The following PCDHGB3 variants were observed in gnomAD, a reference collection of about 807,000 sequenced individuals.
The protein encoded by PCDHGB3 is protocadherin gamma-B3.
PCDHGB3 carries 40 observed loss-of-function variants against 59.2 expected under a neutral mutation model. That is an observed-to-expected ratio of 0.68 (90% CI 0.52 to 0.88). PCDHGB3 has a LOEUF of 0.88. Among genes scored for constraint, PCDHGB3 ranks in the 40% least tolerant of loss-of-function variants. PCDHGB3 has a pLI of 0.00. For synonymous variants in PCDHGB3, 581 were observed against 503.6 expected (o/e 1.15, Z -2.06); for missense variants, 1,309 against 1,187.9 (o/e 1.10, Z -1.50).
intron 1 of PCDHGB3, among the ~76,000 whole-genome samples, chr5:141,473,313 T>C (rs1173941642): frequency 2.7e-4 from 41 of 152,246 alleles, no homozygotes; most frequent in Non-Finnish European, 5.9e-5. Context: ...GCTATATTAA[T>C]AAGCATTAAG....
rs1229623400 is a variant in PCDHGB3, at chr5:141,505,984, T to A, written c.2563+503T>A. 4.6e-5 allele frequency among the ~76,000 whole-genome samples: 7 copies of A among 152,198 alleles called. No homozygotes were observed. In the East Asian group the frequency reaches 1.4e-3, roughly 30 times the overall value. On this transcript the variant is annotated intron_variant, in intron 3 of 3. Coordinates refer to ENST00000576222, the MANE Select transcript of PCDHGB3 (RefSeq NM_018924.5). ...AGAAATCCCCAGCCGAGAGAACACC[T>A]CCTCTTTATGCGAGGCTCCTCTTTT...
Position 141,425,378 on chromosome 5 carries a change from C to T in PCDHGB3, c.2415+52569C>T, listed in dbSNP as rs372445707. Among the ~76,000 whole-genome samples the T allele has an allele frequency of 1.6e-4, 25 of 152,174 alleles. 1 individual carries two copies. The highest frequency in any genetic ancestry group is 3.9e-4 in the African/African-American group (16 of 41,522). On this transcript the variant is annotated intron_variant, in intron 1 of 3. Transcript: ENST00000576222. ...TGATATTAAGAGGGTTATGTTGATTCGGAGGTAGTGATAAAGTTCTGTTAA... is the reference window on the plus strand; with the variant it reads ...TGATATTAAGAGGGTTATGTTGATTTGGAGGTAGTGATAAAGTTCTGTTAA...
chr5:141,384,337 G>A (rs370533196), intron 1 of PCDHGB3: 1 of 1,613,832 alleles, frequency 6.2e-7, no homozygotes, highest in Non-Finnish European at 8.5e-7. Flanking sequence ...ACAGGACCAC[G>A]ACAGTGAGGA....
Position 141,486,443 on chromosome 5 carries a change from A to G in PCDHGB3, c.2416-8364A>G, listed in dbSNP as rs747419698. Reference sequence around the variant, plus strand: ...AGAGGCCAAATCTAGCTATGACATCATGGTCACTGCTTCTGATGCTGGGAA... The same window carrying G: ...AGAGGCCAAATCTAGCTATGACATCGTGGTCACTGCTTCTGATGCTGGGAA... On this transcript the variant is annotated intron_variant, in intron 1 of 3. Transcript: ENST00000576222. The surrounding 1 kb of genome is among the most constrained non-coding windows in gnomAD (Gnocchi z 5.0). The G allele has an allele frequency of 1.9e-6, 3 of 1,614,060 alleles. No individual in the cohort carries two copies. Among genetic ancestry groups the G allele is most frequent in the South Asian group, 2.2e-5 (2 of 91,080 alleles).
intron 1 of PCDHGB3, among the ~76,000 whole-genome samples, chr5:141,483,767 T>C (rs2099586826): frequency 6.6e-6 from 1 of 151,840 alleles, no homozygotes; most frequent in Non-Finnish European, 1.5e-5. Flanking sequence ...CTTGGAAAAA[T>C]ATTGGGGAAG....
rs1686238986 is a variant in PCDHGB3 at position 141,431,536 on chromosome 5, G to A, written c.2415+58727G>A. The A allele has an allele frequency of 6.2e-7, 1 of 1,614,070 alleles. No homozygotes were observed. Among genetic ancestry groups the A allele is most frequent in the African/African-American group, 1.3e-5 (1 of 75,064 alleles). On this transcript the variant is annotated intron_variant, in intron 1 of 3. Transcript: ENST00000576222. The surrounding 1 kb of genome is among the most constrained non-coding windows in gnomAD (Gnocchi z 4.8). ...TTCCGGAGAATCTGGCCTTGGGCAC[G>A]CAGCTGCTTGTAGTCAACGCTACCG... is the stretch of plus-strand genomic sequence containing the variant.
At chr5:141,374,208 G>C in intron 1 of PCDHGB3, 1 of 1,613,952 alleles carries the variant, frequency 6.2e-7, no homozygotes, top group Non-Finnish European at 8.5e-7. Context: ...CTGGAGAAAG[G>C]CTCCTTCGTA....
intron 1 of PCDHGB3, among the ~76,000 whole-genome samples, chr5:141,481,700 T>C (rs1283509788): frequency 2.0e-5 from 3 of 152,034 alleles, no homozygotes; most frequent in Non-Finnish European, 4.4e-5. Context: ...ACGCCTGTAA[T>C]CCCAGCACTT....
chr5:141,469,314 C>T (rs982242861), intron 1 of PCDHGB3, among the ~76,000 whole-genome samples: 3 of 152,100 alleles, frequency 2.0e-5, no homozygotes, highest in Admixed American at 1.3e-4. Context: ...CGATGGCTCA[C>T]GCCTGTAATC....
At position 141,491,960 on chromosome 5, in the gene PCDHGB3, A is replaced by T. The variant is rs1380758016; in HGVS notation, c.2416-2847A>T. The T allele has an allele frequency of 1.0e-6, 1 of 984,842 alleles. No individual in the cohort carries two copies. The highest frequency in any genetic ancestry group is 3.0e-5 in the East Asian group (1 of 33,312). 61.0% of individuals were successfully genotyped at this position (984,842 alleles called of 1,614,324 possible). A position where few individuals can be genotyped will look rare whatever the true frequency, so the allele number is the denominator to read the frequency against. On this transcript the variant is annotated intron_variant, in intron 1 of 3. Coordinates refer to ENST00000576222, the MANE Select transcript of PCDHGB3 (RefSeq NM_018924.5). The surrounding 1 kb of genome is among the most constrained non-coding windows in gnomAD (Gnocchi z 6.9). ...CGACCCCCACCCCTACACTCAAAAA[A>T]GGCCGGGGCCTCCTTCGAGCTTCCG...
intron 1 of PCDHGB3, chr5:141,394,523 C>T (rs373702756): frequency 5.0e-6 from 8 of 1,614,234 alleles, no homozygotes; most frequent in Non-Finnish European, 6.8e-6. Context: ...TCCCCACAGA[C>T]GGTTCCACTG....
intron 1 of PCDHGB3, chr5:141,415,573 G>T (rs375863243): frequency 1.9e-6 from 3 of 1,614,022 alleles, no homozygotes; most frequent in South Asian, 2.2e-5. Context: ...TTTGTTAGAT[G>T]ATTCGAAGTT....
Position 141,370,927 on chromosome 5 carries a change from T to A in PCDHGB3, c.533T>A (p.Phe178Tyr). The change falls in exon 1 of 4, where the codon TTC becomes TAC. Residue 178 changes from phenylalanine to tyrosine, a missense_variant. Physicochemically the swap from Phe to Tyr is conservative, Grantham distance 22. Transcript: ENST00000576222. ...QQYYLSPDPH[F>Y]SLIQKENLDG... ...TACTACCTCAGCCCTGATCCGCACTTCTCTTTGATTCAGAAGGAGAACCTG... is the reference window on the plus strand; with the variant it reads ...TACTACCTCAGCCCTGATCCGCACTACTCTTTGATTCAGAAGGAGAACCTG... 2 of 1,613,940 alleles carry A rather than the reference T, an allele frequency of 1.2e-6. No individual in the cohort carries two copies. The highest frequency in any genetic ancestry group is 1.7e-6 in the Non-Finnish European group (2 of 1,179,864).
intron 3 of PCDHGB3, among the ~76,000 whole-genome samples, chr5:141,508,989 G>A (rs900798347): frequency 1.3e-5 from 2 of 152,110 alleles, no homozygotes; most frequent in Non-Finnish European, 2.9e-5. Flanking sequence ...GGGGCCAGCT[G>A]GGGTAGGAGA....
chr5:141,427,782 T>G, intron 1 of PCDHGB3: 1 of 1,459,986 alleles, frequency 6.8e-7, no homozygotes, highest in Middle Eastern at 1.7e-4. Context: ...GCGGGCACTG[T>G]CGTCCTACGT....
chr5:141,427,899 G>A, intron 1 of PCDHGB3: 1 of 1,571,372 alleles, frequency 6.4e-7, no homozygotes, highest in Non-Finnish European at 8.7e-7. Flanking sequence ...GGGCTCGCCC[G>A]CGCTCAGCGC....
Position 141,489,784 on chromosome 5 carries a change from G to A in PCDHGB3, c.2416-5023G>A. 1 of 1,614,218 alleles carries A rather than the reference G, an allele frequency of 6.2e-7. No individual in the cohort carries two copies. Among genetic ancestry groups the A allele is most frequent in the Non-Finnish European group, 8.5e-7 (1 of 1,180,010 alleles). On this transcript the variant is annotated intron_variant, in intron 1 of 3. Transcript: ENST00000576222. This position sits in a 1 kb window ranked among gnomAD's most constrained non-coding sequence, Gnocchi z 4.5. ...CCCCAACAGCCACTTCTCTCTGAAT[G>A]TGAAGACCCTAAAAGATGGGAAGCC...
intron 1 of PCDHGB3, chr5:141,382,975 G>C (rs1459980689): frequency 6.2e-7 from 1 of 1,610,700 alleles, no homozygotes; most frequent in Non-Finnish European, 8.5e-7. Context: ...CCCCTGGGAA[G>C]CCTGGGCAGG....
chr5:141,376,790 C>T (rs993106299), intron 1 of PCDHGB3: 2 of 364,964 alleles, frequency 5.5e-6, no homozygotes, highest in Non-Finnish European at 9.9e-6. Context: ...GGGTTCACGC[C>T]ATTCTCCTGC....
Sources: gnomAD v4.1 joint callset for allele counts (sites outside exome capture counted in the v4.1 genomes callset) on GRCh38, gnomAD v4.1.1 for gene constraint, Gnocchi (gnomAD v3.1) non-coding constraint, MANE v1.5 for transcripts, NCBI Gene and HGNC (gene_info 2026-07-23, HGNC 2026-07-21) for gene names.